Variants in CTNND2 observed in about 807,000 individuals in gnomAD.
CTNND2 encodes catenin delta 2.
Under a neutral mutation model 144.4 loss-of-function variants are expected in CTNND2, and 22 were observed. The observed-to-expected ratio is 0.15, with a 90% CI of 0.11 to 0.22. The LOEUF is 0.22. Ranked by LOEUF, CTNND2 falls within the 10% of genes least tolerant of loss-of-function variation. The pLI is 1.00. For missense variants in CTNND2, 1,353 were observed against 1,618.8 expected, an observed-to-expected ratio of 0.84 and a Z score of 2.82; for synonymous variants, 751 against 695.6, an observed-to-expected ratio of 1.08 and a Z score of -1.25.
intron 2 of CTNND2, among the ~76,000 whole-genome samples, chr5:11,573,462 G>C (rs140938996): frequency 6.6e-6 from 1 of 152,164 alleles, no homozygotes; most frequent in Non-Finnish European, 1.5e-5. Context: ...GAAACATGTT[G>C]CCAAGCCAAG....
intron 1 of CTNND2, among the ~76,000 whole-genome samples, chr5:11,890,584 T>C (rs1736877983): frequency 6.6e-6 from 1 of 152,208 alleles, no homozygotes. Context: ...GCTACTTAGA[T>C]GCCAGGTATG....
chr5:11,333,189 G>T (rs1308334359), intron 9 of CTNND2, among the ~76,000 whole-genome samples: 1 of 152,152 alleles, frequency 6.6e-6, no homozygotes, highest in Non-Finnish European at 1.5e-5. Context: ...TCCATCATAT[G>T]TATACTGTAT....
In CTNND2 at chr5:10,988,159, A is replaced by T. The variant is rs1171963901; in HGVS notation, c.3295T>A (p.Tyr1099Asn). The change falls in exon 20 of 22, where the codon TAC (tyrosine) becomes AAC (asparagine). Residue 1099 changes from tyrosine to asparagine, a missense_variant. Tyr to Asn is a moderately radical substitution (Grantham distance 143). Coordinates refer to ENST00000304623, the MANE Select transcript of CTNND2 (RefSeq NM_001332.4). This position sits in a 1 kb window ranked among gnomAD's most constrained non-coding sequence, Gnocchi z 5.9. ...GTGTGTTCGCCTTTAGCTCCGTGGTAGGTGGCGTTGCTGCCGGTGCACTCG... is the reference window on the plus strand; with the variant it reads ...GTGTGTTCGCCTTTAGCTCCGTGGTTGGTGGCGTTGCTGCCGGTGCACTCG... Reference protein sequence around the residue: ...DYECTGSNATYHGAKGEHTSR... With the variant: ...DYECTGSNATNHGAKGEHTSR... 6.2e-7 allele frequency: 1 copy of T among 1,614,208 alleles called. No homozygotes were observed. The highest frequency in any genetic ancestry group is 1.1e-5 in the South Asian group (1 of 91,088).
At chr5:11,419,832 ACT>A (rs1762224812) in intron 3 of CTNND2, among the ~76,000 whole-genome samples, 1 of 152,038 alleles carries the variant, frequency 6.6e-6, no homozygotes, top group Non-Finnish European at 1.5e-5. Flanking sequence ...GCTCAAATAT[ACT>A]CTTATTGTCT....
chr5:11,562,885 A>C (rs1776789411), intron 3 of CTNND2, among the ~76,000 whole-genome samples: 1 of 152,244 alleles, frequency 6.6e-6, no homozygotes, highest in Non-Finnish European at 1.5e-5. Context: ...TGAAACGTAC[A>C]TTAGGCAGCC....
chr5:11,498,451 C>A (rs1376018424), intron 3 of CTNND2, among the ~76,000 whole-genome samples: 1 of 152,102 alleles, frequency 6.6e-6, no homozygotes, highest in African/African-American at 2.4e-5. Flanking sequence ...CTGCTAATAC[C>A]AATGACACCA....
intron 9 of CTNND2, among the ~76,000 whole-genome samples, chr5:11,317,839 G>C (rs1751662147): frequency 3.3e-5 from 5 of 152,166 alleles, no homozygotes; most frequent in Admixed American, 3.3e-4. Flanking sequence ...ATGCAAAGAT[G>C]GAAATGTGAA....
chr5:11,751,328 T>C (rs981367700), intron 1 of CTNND2, among the ~76,000 whole-genome samples: 4 of 151,852 alleles, frequency 2.6e-5, no homozygotes, highest in Non-Finnish European at 5.9e-5. Context: ...GATTATTTCA[T>C]CACCCAGGTA....
chr5:11,578,677 A>G (rs1040863071), intron 2 of CTNND2, among the ~76,000 whole-genome samples: 2 of 86,218 alleles, frequency 2.3e-5, no homozygotes, highest in Non-Finnish European at 5.0e-5. Flanking sequence ...ATGAATAAAT[A>G]AATAAATAAA....
At chr5:11,615,842 C>T (rs1290658154) in intron 2 of CTNND2, among the ~76,000 whole-genome samples, 1 of 152,146 alleles carries the variant, frequency 6.6e-6, no homozygotes, top group Non-Finnish European at 1.5e-5. Flanking sequence ...CAAGGATGGC[C>T]AAGTGGCTAC....
At chr5:11,588,927 G>T in intron 2 of CTNND2, 1 of 985,322 alleles carries the variant, frequency 1.0e-6, no homozygotes, top group Non-Finnish European at 1.2e-6. Context: ...CCACAGAGCA[G>T]CTCAAAAACC....
intron 12 of CTNND2, among the ~76,000 whole-genome samples, chr5:11,126,647 AT>A (rs1158910274): frequency 5.9e-5 from 9 of 152,230 alleles, no homozygotes; most frequent in African/African-American, 2.2e-4. Flanking sequence ...TATCATCAGT[AT>A]GTAACTAGCA....
chr5:11,081,445 G>A (rs984809458), intron 16 of CTNND2, among the ~76,000 whole-genome samples: 8 of 152,156 alleles, frequency 5.3e-5, no homozygotes, highest in Non-Finnish European at 7.3e-5. Flanking sequence ...GACCAGAAGT[G>A]TTTTCGGATT....
chr5:11,107,571 C>T (rs1404695895), intron 14 of CTNND2, among the ~76,000 whole-genome samples: 1 of 152,204 alleles, frequency 6.6e-6, no homozygotes, highest in Non-Finnish European at 1.5e-5. Context: ...TTTGTTTAGT[C>T]TGGCAGGATC....
rs1561586389 is a variant in CTNND2 at position 11,582,403 on chromosome 5, A to C, written c.175-17347T>G. On this transcript the variant is annotated intron_variant, in intron 2 of 21. Coordinates refer to ENST00000304623, the MANE Select transcript of CTNND2 (RefSeq NM_001332.4). ...ATATATTGCCCCAGTTAGGAAATAA[A>C]CAAACCAAAAACCAAAACAAAGAAA... is the stretch of plus-strand genomic sequence containing the variant. Among the ~76,000 whole-genome samples the C allele has an allele frequency of 2.0e-5, 3 of 152,180 alleles. 1 individual carries two copies. In the East Asian group the frequency reaches 5.8e-4, roughly 29 times the overall value.
rs78886953 is a variant in CTNND2 at position 11,650,164 on chromosome 5, A to T, written c.174+81972T>A. Reference sequence around the variant, plus strand: ...GGGTGATTTCCCCCTTGCAGTTTTCATGATAGTGAGTAAAATCCCATGAGA... The same window carrying T: ...GGGTGATTTCCCCCTTGCAGTTTTCTTGATAGTGAGTAAAATCCCATGAGA... On this transcript the variant is annotated intron_variant, in intron 2 of 21. Transcript: ENST00000304623. Among the ~76,000 whole-genome samples, 368 of 152,258 alleles carry T rather than the reference A, an allele frequency of 2.4e-3. 5 individuals carry two copies. The East Asian group carries it at 0.037, about 15-fold the overall frequency.
Position 11,346,572 on chromosome 5 carries a change from G to T in CTNND2, c.1428C>A (p.His476Gln). 7 of 1,597,372 alleles carry T rather than the reference G, an allele frequency of 4.4e-6. No homozygotes were observed. The highest frequency in any genetic ancestry group is 1.7e-4 in the Middle Eastern group (1 of 6,012). ...TGGCCGCGGCGGCATTCTGTGGGCC[G>T]TGCTGGCTGCCTGTGCGCTGCAAGG... ...SVPLQRTGSQ[H>Q]GPQNAAAATF... is the part of the protein sequence containing the mutation. Residue 476 changes from histidine (H) to glutamine (Q), a missense_variant, in exon 9 of 22, where the codon CAC becomes CAA. His to Gln is a conservative substitution (Grantham distance 24). Around this residue, in one of 4 missense-constraint regions of CTNND2, gnomAD observed 708 missense variants for 706.4 expected, o/e 1.00. Coordinates refer to ENST00000304623, the MANE Select transcript of CTNND2 (RefSeq NM_001332.4).
intron 1 of CTNND2, among the ~76,000 whole-genome samples, chr5:11,898,068 G>T (rs1737539295): frequency 6.6e-6 from 1 of 152,182 alleles, no homozygotes; most frequent in Admixed American, 6.5e-5. Context: ...CTGTCCCTGT[G>T]GGGAGGGAGG....
At chr5:11,851,688 G>C (rs777074248) in intron 1 of CTNND2, among the ~76,000 whole-genome samples, 7 of 152,228 alleles carry the variant, frequency 4.6e-5, no homozygotes, top group Non-Finnish European at 8.8e-5. Context: ...TGGGGAGTTT[G>C]CTTGGCCTGT....
Sources: allele counts gnomAD v4.1 joint callset (sites outside exome capture counted in the v4.1 genomes callset), GRCh38; gene constraint gnomAD v4.1.1; regional missense constraint gnomAD v4.1.1; non-coding constraint Gnocchi (gnomAD v3.1); transcripts MANE v1.5; gene names NCBI Gene and HGNC (gene_info 2026-07-23, HGNC 2026-07-21).